The following TFEC variants were observed in gnomAD, a reference collection of about 807,000 sequenced individuals.
The protein encoded by TFEC is class E basic helix-loop-helix protein 34.
A neutral mutation model predicts 41.6 loss-of-function variants in TFEC; 31 were observed. That is an observed-to-expected ratio of 0.74 (90% confidence interval 0.56 to 1.01). The LOEUF is 1.01. TFEC is among the 50% of genes least tolerant of loss of function. TFEC has a pLI of 0.00. For missense variants in TFEC, 402 were observed against 404.1 expected (o/e 0.99, Z 0.04); for synonymous variants, 143 against 140.6 (o/e 1.02, Z -0.12).
At chr7:116,026,863 A>G (rs990179283) in intron 1 of TFEC, among the ~76,000 whole-genome samples, 1 of 152,210 alleles carries the variant, frequency 6.6e-6, no homozygotes, top group Non-Finnish European at 1.5e-5. Context: ...GCACATGTGA[A>G]GGACAATCAT....
intron 1 of TFEC, among the ~76,000 whole-genome samples, chr7:116,146,344 C>G (rs148667684): frequency 1.8e-4 from 28 of 152,196 alleles, no homozygotes; most frequent in African/African-American, 6.3e-4. Context: ...AAACCAGGAG[C>G]CTTGAAAAAA....
intron 1 of TFEC, among the ~76,000 whole-genome samples, chr7:116,152,871 T>C (rs909785540): frequency 1.3e-5 from 2 of 152,040 alleles, no homozygotes; most frequent in African/African-American, 2.4e-5. Flanking sequence ...TGCAAGAAAT[T>C]AGGAAAATAT....
At chr7:116,131,724 T>C (rs2116315592) in intron 1 of TFEC, among the ~76,000 whole-genome samples, 1 of 152,314 alleles carries the variant, frequency 6.6e-6, no homozygotes, top group South Asian at 2.1e-4. Context: ...TTCCATCTTG[T>C]TTCTATCATC....
chr7:116,112,147 G>A, intron 1 of TFEC: 13 of 426,588 alleles, frequency 3.0e-5, no homozygotes, highest in Non-Finnish European at 4.1e-5. Context: ...TACATTGGAT[G>A]TTCAATGTGA....
intron 6 of TFEC, among the ~76,000 whole-genome samples, chr7:115,947,248 C>T (rs1791639863): frequency 6.6e-6 from 1 of 151,554 alleles, no homozygotes; most frequent in Non-Finnish European, 1.5e-5. Context: ...AGGATGTGAA[C>T]TCATCATTTT....
intron 3 of TFEC, among the ~76,000 whole-genome samples, chr7:116,049,346 C>G (rs1241820318): frequency 6.6e-6 from 1 of 152,118 alleles, no homozygotes; most frequent in African/African-American, 2.4e-5. Flanking sequence ...TCTGATAAAA[C>G]AGACTTTAAA....
rs887277388 is a variant in TFEC, at chr7:116,100,753, C to T, written c.198+9955G>A. 3.9e-5 allele frequency among the ~76,000 whole-genome samples: 6 copies of T among 152,184 alleles called. No homozygotes were observed. The East Asian group carries it at 1.2e-3, about 30-fold the overall frequency. On this transcript the variant is annotated intron_variant, in intron 3 of 8. Transcript: ENST00000484212. ...GGGATTTTCTACAGAACAGATGTCA[C>T]TTACAGTATTATGTGGGCTATCTAT...
At chr7:116,067,965 T>A (rs967615476) in intron 3 of TFEC, among the ~76,000 whole-genome samples, 5 of 151,838 alleles carry the variant, frequency 3.3e-5, no homozygotes, top group African/African-American at 1.2e-4. Context: ...CAAAATTTTC[T>A]CACCATGTTC....
At chr7:116,048,373 G>A (rs1796223565) in intron 3 of TFEC, among the ~76,000 whole-genome samples, 1 of 152,202 alleles carries the variant, frequency 6.6e-6, no homozygotes, top group African/African-American at 2.4e-5. Context: ...TTGGAAGAAA[G>A]GTTATCAGTG....
intron 3 of TFEC, among the ~76,000 whole-genome samples, chr7:116,098,083 TA>T (rs1182393485): frequency 6.6e-6 from 1 of 152,086 alleles, no homozygotes; most frequent in East Asian, 1.9e-4. Flanking sequence ...TGACCAAAAT[TA>T]TAAGAAACTT....
intron 1 of TFEC, among the ~76,000 whole-genome samples, chr7:116,128,021 G>A (rs936947320): frequency 6.6e-6 from 1 of 152,020 alleles, no homozygotes; most frequent in Non-Finnish European, 1.5e-5. Flanking sequence ...CAAGAGAAAA[G>A]ATCAGCTACT....
At chr7:116,085,746 A>G (rs1298073931) in intron 3 of TFEC, among the ~76,000 whole-genome samples, 1 of 151,998 alleles carries the variant, frequency 6.6e-6, no homozygotes, top group Non-Finnish European at 1.5e-5. Context: ...TCAGTCAGCT[A>G]AAGTTACATA....
At chr7:116,083,361 A>C (rs973647112) in intron 3 of TFEC, among the ~76,000 whole-genome samples, 3 of 151,912 alleles carry the variant, frequency 2.0e-5, no homozygotes, top group Middle Eastern at 3.2e-3. Context: ...TCTAAAAAAA[A>C]ATTTGTATAT....
chr7:115,955,994 G>T (rs1276461603), intron 4 of TFEC, among the ~76,000 whole-genome samples: 1 of 151,880 alleles, frequency 6.6e-6, no homozygotes, highest in Non-Finnish European at 1.5e-5. Context: ...TCTTACGGAG[G>T]ATCTAACACT....
intron 3 of TFEC, among the ~76,000 whole-genome samples, chr7:116,084,045 C>G (rs1357763305): frequency 6.6e-6 from 1 of 151,866 alleles, no homozygotes; most frequent in East Asian, 1.9e-4. Context: ...TTGTCTTGAT[C>G]CCCTCTGTTA....
rs116030545 is a variant in TFEC, at chr7:116,103,889, C to A, written c.198+6819G>T. On this transcript the variant is annotated intron_variant, in intron 3 of 8. Transcript: ENST00000484212. ...ATAACTACAGGAAATTTAAAGAGGT[C>A]GCTACTAGTTATAATAAACTCCTAA... is the stretch of plus-strand genomic sequence containing the variant. Among the ~76,000 whole-genome samples, 324 of 152,090 alleles carry A rather than the reference C, an allele frequency of 2.1e-3. 1 individual carries two copies. Among genetic ancestry groups the A allele is most frequent in the African/African-American group, 7.6e-3 (316 of 41,498 alleles).
rs1476310861 is a variant in TFEC at position 115,953,348 on chromosome 7, A to C, written c.439+1238T>G. Reference sequence around the variant, plus strand: ...GGACTTACTTTGTAATTTTGCTATGATCATCACAAGTTTTTAGGGTTTTTC... The same window carrying C: ...GGACTTACTTTGTAATTTTGCTATGCTCATCACAAGTTTTTAGGGTTTTTC... On this transcript the variant is annotated intron_variant, in intron 5 of 7. Transcript: ENST00000265440. Among the ~76,000 whole-genome samples, 4 of 152,156 alleles carry C rather than the reference A, an allele frequency of 2.6e-5. No individual in the cohort carries two copies. The East Asian group carries it at 7.8e-4, about 30-fold the overall frequency.
chr7:115,971,240 C>G (rs1195313126), intron 3 of TFEC, among the ~76,000 whole-genome samples: 1 of 151,950 alleles, frequency 6.6e-6, no homozygotes, highest in African/African-American at 2.4e-5. Flanking sequence ...GCTCCATTAT[C>G]TCAGAGCTTT....
intron 1 of TFEC, among the ~76,000 whole-genome samples, chr7:116,026,234 C>T (rs957837044): frequency 1.3e-5 from 2 of 152,216 alleles, no homozygotes; most frequent in African/African-American, 4.8e-5. Context: ...CACAACTCTG[C>T]ACATGCTAGT....
Sources: allele counts gnomAD v4.1 joint callset (sites outside exome capture counted in the v4.1 genomes callset), GRCh38; gene constraint gnomAD v4.1.1; transcripts MANE v1.5; gene names NCBI Gene and HGNC (gene_info 2026-07-23, HGNC 2026-07-21).